CCDC134: variants seen among roughly 807,000 people sequenced by gnomAD.
CCDC134 encodes the protein coiled-coil domain containing 134, also known as coiled-coil domain-containing protein 134.
CCDC134 carries 27 observed loss-of-function variants against 25.6 expected under a neutral mutation model. The observed-to-expected ratio is 1.05, with a 90% CI of 0.78 to 1.45. CCDC134 has a LOEUF of 1.45. Among genes scored for constraint, CCDC134 ranks in the 40% most tolerant of loss-of-function variants. The pLI is 0.00. For synonymous variants in CCDC134, 110 were observed against 115.0 expected (o/e 0.96, Z 0.28); for missense variants, 261 against 286.7 (o/e 0.91, Z 0.65).
intron 6 of CCDC134, among the ~76,000 whole-genome samples, chr22:41,814,781 G>A (rs1449825235): frequency 6.6e-6 from 1 of 152,140 alleles, no homozygotes; most frequent in Non-Finnish European, 1.5e-5. Flanking sequence ...GACACTGATA[G>A]GTCAGAGACA....
At chr22:41,816,003 G>T (rs548145797) in intron 6 of CCDC134, among the ~76,000 whole-genome samples, 1 of 152,252 alleles carries the variant, frequency 6.6e-6, no homozygotes, top group East Asian at 1.9e-4. Context: ...TGAAGGTCCT[G>T]GAGGACCAGT....
intron 6 of CCDC134, among the ~76,000 whole-genome samples, chr22:41,820,681 A>C (rs1441157471): frequency 6.6e-6 from 1 of 152,196 alleles, no homozygotes; most frequent in Non-Finnish European, 1.5e-5. Flanking sequence ...GAGGAGCGTT[A>C]AGCATGACTA....
At chr22:41,806,468 C>T (rs2076568210) in intron 1 of CCDC134, among the ~76,000 whole-genome samples, 1 of 151,890 alleles carries the variant, frequency 6.6e-6, no homozygotes, top group East Asian at 1.9e-4. Context: ...GATCCGCCCA[C>T]CTCGGCCTCC....
At chr22:41,807,293 G>T (rs2076572466) in intron 1 of CCDC134, among the ~76,000 whole-genome samples, 1 of 152,214 alleles carries the variant, frequency 6.6e-6, no homozygotes, top group African/African-American at 2.4e-5. Context: ...GCCGGGTGCA[G>T]TGACTCACAC....
chr22:41,827,075 C>A lies in CCDC134; in HGVS notation c.*1252C>A, dbSNP rs915718766. The stretch of plus-strand genomic sequence containing the variant: ...ATCTGTATCCCCTGCCCAGCCCTAA[C>A]CTGTTTCTCTGAGGCTGGCCTCCCT... On this transcript the variant is annotated 3_prime_UTR_variant, in exon 7 of 7. Transcript: ENST00000255784. Among the ~76,000 whole-genome samples, 7 of 152,248 alleles carry A rather than the reference C, an allele frequency of 4.6e-5. No homozygotes were observed. Among genetic ancestry groups the A allele is most frequent in the African/African-American group, 1.4e-4 (6 of 41,466 alleles).
rs190209754 is a variant in CCDC134, at chr22:41,803,054, C to T, written c.-17+2288C>T. 2.1e-3 allele frequency among the ~76,000 whole-genome samples: 318 copies of T among 152,032 alleles called. 3 individuals are homozygous for T. Among genetic ancestry groups the T allele is most frequent in the Middle Eastern group, 0.017 (5 of 294 alleles). On this transcript the variant is annotated intron_variant, in intron 1 of 6. Coordinates refer to ENST00000255784, the MANE Select transcript of CCDC134 (RefSeq NM_024821.5). ...GCTTGAACCTGGGAAGTGGAGGTTG[C>T]GGTGAGCCGAGATCGCACCATTGCA...
At chr22:41,819,967 A>G (rs911982088) in intron 6 of CCDC134, among the ~76,000 whole-genome samples, 3 of 93,262 alleles carry the variant, frequency 3.2e-5, no homozygotes, top group African/African-American at 9.5e-5. Flanking sequence ...ACCACTTTAT[A>G]TATATATATA....
Position 41,810,020 on chromosome 22 carries a change from A to C in CCDC134, c.225+20A>C, listed in dbSNP as rs778194617. The C allele has an allele frequency of 5.0e-6, 8 of 1,613,412 alleles. No individual in the cohort carries two copies. The African/African-American group carries it at 1.1e-4, about 22-fold the overall frequency. ...TTTAAGGTGTGTGCAGGCAGGGGGCAGCTCATGGCAGGTCCAGTCTTTGAT... is the reference window on the plus strand; with the variant it reads ...TTTAAGGTGTGTGCAGGCAGGGGGCCGCTCATGGCAGGTCCAGTCTTTGAT... On this transcript the variant is annotated intron_variant, in intron 3 of 6. Coordinates refer to ENST00000255784, the MANE Select transcript of CCDC134 (RefSeq NM_024821.5).
intron 1 of CCDC134, 78 bp from the exon 2 acceptor site, chr22:41,808,797 T>C: frequency 8.7e-7 from 1 of 1,143,228 alleles, no homozygotes; most frequent in Non-Finnish European, 1.3e-6. Flanking sequence ...CGGGGGAAGC[T>C]GCTGTTCACC....
chr22:41,823,344 C>T (rs558275180), intron 6 of CCDC134, among the ~76,000 whole-genome samples: 1 of 151,546 alleles, frequency 6.6e-6, no homozygotes, highest in South Asian at 2.1e-4. Context: ...CCTGTCTCAG[C>T]CTCCAAAGTA....
At chr22:41,801,784 TAGC>T (rs2076544801) in intron 1 of CCDC134, among the ~76,000 whole-genome samples, 1 of 152,140 alleles carries the variant, frequency 6.6e-6, no homozygotes, top group African/African-American at 2.4e-5. Flanking sequence ...TCAACCTAAA[TAGC>T]AGAGTGAGAG....
rs575989469 is a variant in CCDC134 at position 41,831,170 on chromosome 22, G to C, written c.*5347G>C. The C allele has an allele frequency of 6.6e-6, 1 of 152,172 alleles. No homozygotes were observed. Among genetic ancestry groups the C allele is most frequent in the South Asian group, 2.1e-4 (1 of 4,814 alleles). The allele number at this position is 152,172 out of a possible 1,614,324, so 9.4% of individuals were successfully genotyped here. ...CAAAGTGCTGGGATTACAGGCGTGA[G>C]CCACCTTGCCCGGACTCTCTTTGTA... On this transcript the variant is annotated 3_prime_UTR_variant, in exon 7 of 7. Transcript: ENST00000255784.
intron 6 of CCDC134, among the ~76,000 whole-genome samples, chr22:41,817,994 T>G (rs1602242593): frequency 6.6e-6 from 1 of 152,156 alleles, no homozygotes. Flanking sequence ...CATGGACACC[T>G]GTGTCAGGTT....
intron 4 of CCDC134, 106 bp downstream of exon 4, chr22:41,810,397 C>G (rs1307682636): frequency 2.0e-6 from 2 of 986,864 alleles, no homozygotes; most frequent in Non-Finnish European, 3.0e-6. Context: ...GAAGTGCCCT[C>G]TTGTGGCACC....
intron 6 of CCDC134, among the ~76,000 whole-genome samples, chr22:41,823,716 T>G (rs1363177891): frequency 2.0e-5 from 3 of 152,190 alleles, no homozygotes; most frequent in Non-Finnish European, 4.4e-5. Context: ...CAGGACGCCC[T>G]CCCATCACAG....
At chr22:41,813,135 T>C in intron 4 of CCDC134, 129 bp from the exon 5 acceptor site, 1 of 868,204 alleles carries the variant, frequency 1.2e-6, no homozygotes, top group Non-Finnish European at 1.8e-6. Flanking sequence ...CAGCCTGTGG[T>C]CAGTAGGCAC....
Position 41,828,050 on chromosome 22 carries a change from T to G in CCDC134, c.*2227T>G, listed in dbSNP as rs1430320865. 2.0e-5 allele frequency among the ~76,000 whole-genome samples: 3 copies of G among 152,122 alleles called. No homozygotes were observed. Among genetic ancestry groups the G allele is most frequent in the African/African-American group, 7.2e-5 (3 of 41,418 alleles). On this transcript the variant is annotated 3_prime_UTR_variant, in exon 7 of 7. Coordinates refer to ENST00000255784, the MANE Select transcript of CCDC134 (RefSeq NM_024821.5). ...AAGCATACCTCAGGACAGTCAGTGG[T>G]GGGTCCAGCTTCGGCTGGAGGTTCT...
In CCDC134 at chr22:41,825,807, C is replaced by T. The variant is rs200759493; in HGVS notation, c.674C>T (p.Ser225Phe). 1 of 1,614,154 alleles carries T rather than the reference C, an allele frequency of 6.2e-7. No homozygotes were observed. The part of the protein sequence containing the change: ...EIRKGPRISR[S>F]QSEL ...CGAAAAGGCCCAAGGATCTCCAGATCCCAGTCTGAGTTATAGCCCTGGAGC... is the reference window on the plus strand; with the variant it reads ...CGAAAAGGCCCAAGGATCTCCAGATTCCAGTCTGAGTTATAGCCCTGGAGC... The change falls in exon 7 of 7, where the codon TCC becomes TTC. Residue 225 changes from serine to phenylalanine, a missense_variant. Physicochemically the swap from Ser to Phe is radical, Grantham distance 155. Coordinates refer to ENST00000255784, the MANE Select transcript of CCDC134 (RefSeq NM_024821.5). The surrounding 1 kb of genome is among the most constrained non-coding windows in gnomAD (Gnocchi z 4.4).
At chr22:41,802,238 G>C (rs2076547042) in intron 1 of CCDC134, among the ~76,000 whole-genome samples, 1 of 152,110 alleles carries the variant, frequency 6.6e-6, no homozygotes, top group South Asian at 2.1e-4. Context: ...ACTCTGTTTT[G>C]ATTCTAACAA....
Sources: gnomAD v4.1 joint callset for allele counts (sites outside exome capture counted in the v4.1 genomes callset) on GRCh38, gnomAD v4.1.1 for gene constraint, Gnocchi (gnomAD v3.1) non-coding constraint, MANE v1.5 for transcripts, NCBI Gene and HGNC (gene_info 2026-07-23, HGNC 2026-07-21) for gene names.